EGFR: variants seen among roughly 807,000 people sequenced by gnomAD.
EGFR encodes epidermal growth factor receptor.
EGFR carries 58 observed loss-of-function variants against 143.0 expected under a neutral mutation model. The observed-to-expected ratio is 0.41, with a 90% CI of 0.33 to 0.50. The LOEUF is 0.50. EGFR is among the 20% of genes least tolerant of loss of function. EGFR has a pLI of 0.39. For synonymous variants in EGFR, 613 were observed against 594.4 expected, an observed-to-expected ratio of 1.03 and a Z score of -0.45; for missense variants, 1,307 against 1,579.0, an observed-to-expected ratio of 0.83 and a Z score of 2.92.
chr7:55,194,226 CTTTTT>C (rs56129716), intron 22 of EGFR, among the ~76,000 whole-genome samples: 4 of 132,912 alleles, frequency 3.0e-5, no homozygotes, highest in Admixed American at 7.7e-5. Flanking sequence ...TATTTTTTAA[CTTTTT>C]TTTTTTTTTT....
chr7:55,170,348 T>C (rs2128950492), intron 15 of EGFR: 1 of 1,614,228 alleles, frequency 6.2e-7, no homozygotes, highest in Non-Finnish European at 8.5e-7. Context: ...TTCTGCCTTT[T>C]TAAACTATCA....
intron 1 of EGFR, among the ~76,000 whole-genome samples, chr7:55,099,822 A>G (rs1791695445): frequency 6.6e-6 from 1 of 151,902 alleles, no homozygotes; most frequent in African/African-American, 2.4e-5. Context: ...ACAGATGTGC[A>G]ATTAAAAAAA....
intron 1 of EGFR, among the ~76,000 whole-genome samples, chr7:55,138,901 G>A (rs1794304798): frequency 6.6e-6 from 1 of 152,208 alleles, no homozygotes; most frequent in South Asian, 2.1e-4. Flanking sequence ...TCAATCTATG[G>A]TGGAAGGTCA....
intron 1 of EGFR, among the ~76,000 whole-genome samples, chr7:55,120,742 A>C (rs947915992): frequency 6.6e-6 from 1 of 152,112 alleles, no homozygotes; most frequent in Non-Finnish European, 1.5e-5. Flanking sequence ...ATCTCATAAC[A>C]CTGGTTTGGA....
chr7:55,202,783 T>G lies in EGFR; in HGVS notation c.3271+158T>G, dbSNP rs1469824850. 4 of 736,164 alleles carry G rather than the reference T, an allele frequency of 5.4e-6. No homozygotes were observed. The African/African-American group carries it at 6.9e-5, about 13-fold the overall frequency. The allele number at this position is 736,164 out of a possible 1,614,324, so 45.6% of individuals were successfully genotyped here. On this transcript the variant is annotated intron_variant, in intron 27 of 27. Transcript: ENST00000275493. ...CACAGTGAAGGGCGTAAGGAGCAGA[T>G]AAACACATGACCGAGCCTGCACAAG...
At chr7:55,036,942 G>A (rs918240640) in intron 1 of EGFR, among the ~76,000 whole-genome samples, 1 of 152,190 alleles carries the variant, frequency 6.6e-6, no homozygotes, top group African/African-American at 2.4e-5. Flanking sequence ...TCAGGCTTCT[G>A]TGGAGCCATA....
chr7:55,063,296 G>A (rs146353504), intron 1 of EGFR, among the ~76,000 whole-genome samples: 4 of 151,990 alleles, frequency 2.6e-5, no homozygotes, highest in East Asian at 1.9e-4. Context: ...CCTTGATCTC[G>A]TTTGAATCCT....
intron 1 of EGFR, chr7:55,109,835 A>G (rs2128906975): frequency 2.0e-6 from 2 of 985,478 alleles, no homozygotes; most frequent in East Asian, 1.1e-4. Context: ...ATGAGCTCTA[A>G]AACAGTTCTC....
At chr7:55,139,612 C>T (rs927347029) in intron 1 of EGFR, among the ~76,000 whole-genome samples, 2 of 152,136 alleles carry the variant, frequency 1.3e-5, no homozygotes, top group African/African-American at 4.8e-5. Flanking sequence ...GATTGACATG[C>T]CTTATATTGA....
At chr7:55,200,235 C>T (rs772086681) in intron 23 of EGFR, 81 bp from the exon 24 acceptor site, 2 of 1,322,896 alleles carry the variant, frequency 1.5e-6, no homozygotes, top group Non-Finnish European at 2.2e-6. Context: ...GTCGCATCAC[C>T]AATGCCTTCT....
chr7:55,072,486 C>A (rs1433064922), intron 1 of EGFR, among the ~76,000 whole-genome samples: 2 of 152,198 alleles, frequency 1.3e-5, no homozygotes, highest in African/African-American at 2.4e-5. Flanking sequence ...GGGCTGCGGG[C>A]TGGATGAGGT....
chr7:55,051,899 G>C (rs1314155359), intron 1 of EGFR, among the ~76,000 whole-genome samples: 1 of 152,186 alleles, frequency 6.6e-6, no homozygotes, highest in Non-Finnish European at 1.5e-5. Flanking sequence ...CAAATCTTTA[G>C]TTGTAGGTTC....
chr7:55,093,366 A>C (rs143167901), intron 1 of EGFR, among the ~76,000 whole-genome samples: 1 of 152,220 alleles, frequency 6.6e-6, no homozygotes, highest in East Asian at 1.9e-4. Context: ...TGTGCTGTTC[A>C]TTTTTACTCT....
intron 1 of EGFR, among the ~76,000 whole-genome samples, chr7:55,129,382 G>A (rs896709397): frequency 4.6e-5 from 7 of 152,210 alleles, no homozygotes; most frequent in African/African-American, 9.6e-5. Flanking sequence ...GAAGCAATAC[G>A]TTGCATCTGT....
rs1423110562 is a variant in EGFR at position 55,156,596 on chromosome 7, A to T, written c.1070A>T (p.Lys357Ile). ...DSLSINATNI[K>I]HFKNCTSISG... ...CTCTCCATAAATGCTACGAATATTA[A>T]ACACTTCAAAAACTGCACCTCCATC... The change falls in exon 9 of 28, where the codon AAA becomes ATA. Residue 357 changes from lysine (K) to isoleucine (I), a missense_variant. Lys to Ile is a moderately radical substitution (Grantham distance 102). Coordinates refer to ENST00000275493, the MANE Select transcript of EGFR (RefSeq NM_005228.5). The T allele has an allele frequency of 2.5e-6, 4 of 1,614,254 alleles. No homozygotes were observed. The highest frequency in any genetic ancestry group is 3.4e-6 in the Non-Finnish European group (4 of 1,180,048).
intron 15 of EGFR, among the ~76,000 whole-genome samples, chr7:55,169,014 G>A (rs968164805): frequency 6.6e-6 from 1 of 152,100 alleles, no homozygotes; most frequent in Non-Finnish European, 1.5e-5. Context: ...TACAGCATAA[G>A]CAGCTGCTGA....
chr7:55,151,145 A>G (rs778436438), intron 4 of EGFR, 149 bp from the exon 5 acceptor site: 14 of 798,890 alleles, frequency 1.8e-5, no homozygotes, highest in African/African-American at 5.1e-5. Flanking sequence ...GTCTCAAGTG[A>G]TTCTACAAAC....
At chr7:55,096,854 T>A (rs867417515) in intron 1 of EGFR, among the ~76,000 whole-genome samples, 1 of 151,954 alleles carries the variant, frequency 6.6e-6, no homozygotes, top group Non-Finnish European at 1.5e-5. Flanking sequence ...CCTCCTGGAG[T>A]CATGGGAGGT....
chr7:55,080,086 T>C (rs1790377525), intron 1 of EGFR, among the ~76,000 whole-genome samples: 1 of 152,216 alleles, frequency 6.6e-6, no homozygotes, highest in African/African-American at 2.4e-5. Flanking sequence ...AAGTATGTCC[T>C]GTGGTTTTCC....
Sources: gnomAD v4.1 joint callset for allele counts (sites outside exome capture counted in the v4.1 genomes callset) on GRCh38, gnomAD v4.1.1 for gene constraint, MANE v1.5 for transcripts, NCBI Gene and HGNC (gene_info 2026-07-23, HGNC 2026-07-21) for gene names.